Variants in CMC1 observed in about 807,000 individuals in gnomAD.
CMC1 encodes COX assembly mitochondrial protein homolog.
In CMC1, 14 loss-of-function variants were observed where a neutral mutation model predicts 14.1. That is an observed-to-expected ratio of 0.99 (90% CI 0.66 to 1.55). The LOEUF is 1.55. Ranked by LOEUF, CMC1 falls within the 40% of genes most tolerant of loss-of-function variation. CMC1 has a pLI of 0.00. For synonymous variants in CMC1, 50 were observed against 38.4 expected (o/e 1.30, Z -1.12); for missense variants, 127 against 123.8 (o/e 1.03, Z -0.12).
intron 2 of CMC1, among the ~76,000 whole-genome samples, chr3:28,299,532 A>C (rs764514376): frequency 6.6e-6 from 1 of 152,134 alleles, no homozygotes; most frequent in Non-Finnish European, 1.5e-5. Flanking sequence ...TGTCTCATTA[A>C]ATGCACCACT....
chr3:28,306,835 G>T (rs1702342630), intron 2 of CMC1, among the ~76,000 whole-genome samples: 1 of 152,028 alleles, frequency 6.6e-6, no homozygotes, highest in African/African-American at 2.4e-5. Context: ...AGTAGAGACA[G>T]GGTTTTGTCA....
chr3:28,267,985 A>G (rs1700092768), intron 2 of CMC1, among the ~76,000 whole-genome samples: 1 of 152,230 alleles, frequency 6.6e-6, no homozygotes, highest in African/African-American at 2.4e-5. Context: ...CCAGTGCACC[A>G]GTATTAACTA....
At chr3:28,308,316 C>A (rs113019737) in intron 2 of CMC1, among the ~76,000 whole-genome samples, 2,224 of 151,846 alleles carry the variant, frequency 0.015, 54 homozygotes, top group African/African-American at 0.05. Context: ...TCTTCATGAA[C>A]GGTAATACAA....
intron 1 of CMC1, among the ~76,000 whole-genome samples, chr3:28,246,438 C>G (rs547374421): frequency 1.1e-3 from 169 of 152,204 alleles, no homozygotes; most frequent in South Asian, 2.7e-3. Context: ...TAAACCATTT[C>G]AAGGATTTTG....
intron 2 of CMC1, among the ~76,000 whole-genome samples, chr3:28,280,796 T>A (rs1700848803): frequency 6.6e-6 from 1 of 152,236 alleles, no homozygotes; most frequent in Admixed American, 6.5e-5. Context: ...ACATTTGTAG[T>A]CACAGTAAGT....
At chr3:28,270,595 A>G (rs1164989270) in intron 2 of CMC1, among the ~76,000 whole-genome samples, 2 of 151,506 alleles carry the variant, frequency 1.3e-5, no homozygotes, top group African/African-American at 4.9e-5. Flanking sequence ...TTTTTAATGG[A>G]GTTGTTTGTT....
chr3:28,295,356 C>T (rs1460191982), intron 2 of CMC1, among the ~76,000 whole-genome samples: 1 of 152,014 alleles, frequency 6.6e-6, no homozygotes, highest in Non-Finnish European at 1.5e-5. Flanking sequence ...TCTTCATGCC[C>T]ATTTTCCTTG....
At position 28,324,813 on chromosome 3, in the gene CMC1, C is replaced by T. The variant is rs1219879294; in HGVS notation, c.*5184C>T. The T allele has an allele frequency of 1.2e-5, 2 of 165,292 alleles. No individual in the cohort carries two copies. The highest frequency in any genetic ancestry group is 2.6e-5 in the Non-Finnish European group (2 of 77,334). 10.2% of individuals were successfully genotyped at this position (165,292 alleles called of 1,614,324 possible). ...ATACAGTTAAAATACAAATAAAGAT[C>T]CTGTTCTTGGCTCTTATTGTGGCTG... On this transcript the variant is annotated 3_prime_UTR_variant, in exon 4 of 4. Transcript: ENST00000466830.
At chr3:28,310,722 A>G (rs190913346) in intron 2 of CMC1, among the ~76,000 whole-genome samples, 140 of 152,358 alleles carry the variant, frequency 9.2e-4, no homozygotes, top group Non-Finnish European at 1.6e-3. Context: ...TGAAGAAGCC[A>G]CTGTTTCAAT....
chr3:28,262,337 T>A (rs1006472600), intron 1 of CMC1, among the ~76,000 whole-genome samples: 30 of 152,142 alleles, frequency 2.0e-4, no homozygotes, highest in Non-Finnish European at 4.1e-4. Flanking sequence ...TTATACTTAA[T>A]AATAATCTAA....
chr3:28,321,252 A>G lies in CMC1; in HGVS notation c.*1623A>G, dbSNP rs2125625795. ...GACCTTTGGTATTGGTGCATTTCCT[A>G]GAGCACAGGAAGTTAACTGTTTTTA... On this transcript the variant is annotated 3_prime_UTR_variant, in exon 4 of 4. Coordinates refer to ENST00000466830, the MANE Select transcript of CMC1 (RefSeq NM_182523.2). 6.6e-6 allele frequency: 1 copy of G among 151,486 alleles called. No homozygotes were observed. Among genetic ancestry groups the G allele is most frequent in the Admixed American group, 6.6e-5 (1 of 15,146 alleles). 9.4% of individuals were successfully genotyped at this position (151,486 alleles called of 1,614,324 possible).
At chr3:28,265,670 GC>G (rs1207841006) in intron 2 of CMC1, among the ~76,000 whole-genome samples, 5 of 151,900 alleles carry the variant, frequency 3.3e-5, no homozygotes, top group African/African-American at 1.2e-4. Flanking sequence ...GGGTCAGACT[GC>G]CAGCAACTTA....
chr3:28,245,028 CT>C (rs1379036944), intron 1 of CMC1, among the ~76,000 whole-genome samples: 1 of 148,150 alleles, frequency 6.7e-6, no homozygotes, highest in Non-Finnish European at 1.5e-5. Flanking sequence ...TGTTTTACTG[CT>C]TTGTACAGCC....
chr3:28,246,167 T>TA (rs1204838242), intron 1 of CMC1, among the ~76,000 whole-genome samples: 3 of 151,948 alleles, frequency 2.0e-5, no homozygotes, highest in Admixed American at 6.6e-5. Flanking sequence ...AGACATAAAT[T>TA]ACGTTGGTGG....
At chr3:28,246,362 GAGGAGTATGTGCCATGGC>G (rs1698828679) in intron 1 of CMC1, among the ~76,000 whole-genome samples, 1 of 152,178 alleles carries the variant, frequency 6.6e-6, no homozygotes, top group Non-Finnish European at 1.5e-5. Context: ...TGAGATCAAA[GAGGAGTATGTGCCATGGC>G]AGTGGGTTGG....
In CMC1 at chr3:28,255,756, C is replaced by T. The variant is rs529946028; in HGVS notation, c.20-7535C>T. On this transcript the variant is annotated intron_variant, in intron 1 of 3. Transcript: ENST00000466830. ...ACACACACACACACACACACACACG[C>T]GACAGAGATGATATGTAAAGCTTAA... Among the ~76,000 whole-genome samples, 58 of 151,304 alleles carry T rather than the reference C, an allele frequency of 3.8e-4. 2 individuals are homozygous for T. In the South Asian group the frequency reaches 8.0e-3, roughly 21 times the overall value.
intron 1 of CMC1, chr3:28,253,898 ACT>A (rs1699262573): frequency 5.2e-6 from 2 of 381,992 alleles, no homozygotes; most frequent in South Asian, 4.2e-5. Context: ...GCTATTAAAG[ACT>A]CTGTAATATT....
At position 28,322,546 on chromosome 3, in the gene CMC1, A is replaced by AAATAGTTTTTG. The variant is rs2125628606; in HGVS notation, c.*2918_*2928dup. 1 of 151,712 alleles carries AAATAGTTTTTG rather than the reference A, an allele frequency of 6.6e-6. No homozygotes were observed. Among genetic ancestry groups the AAATAGTTTTTG allele is most frequent in the African/African-American group, 2.4e-5 (1 of 41,444 alleles). 9.4% of individuals were successfully genotyped at this position (151,712 alleles called of 1,614,324 possible). On this transcript the variant is annotated 3_prime_UTR_variant, in exon 4 of 4. Transcript: ENST00000466830. ...TATACAGCCTATGCAGCCACATGAG[A>AAATAGTTTTTG]AATAGTTTTTGCTGCTTTGTTATTA...
intron 2 of CMC1, among the ~76,000 whole-genome samples, chr3:28,312,866 T>TC (rs1381549970): frequency 1.3e-5 from 2 of 151,922 alleles, no homozygotes; most frequent in East Asian, 3.9e-4. Flanking sequence ...TTTTTTAAAT[T>TC]TTTTTTTTGA....
Sources: allele counts gnomAD v4.1 joint callset (sites outside exome capture counted in the v4.1 genomes callset), GRCh38; gene constraint gnomAD v4.1.1; transcripts MANE v1.5; gene names NCBI Gene and HGNC (gene_info 2026-07-23, HGNC 2026-07-21).